Variants in IFT88 observed in about 807,000 individuals in gnomAD.
IFT88 encodes the protein intraflagellar transport protein 88 homolog.
A neutral mutation model predicts 119.5 loss-of-function variants in IFT88; 74 were observed. That is an observed-to-expected ratio of 0.62 (90% CI 0.51 to 0.75). IFT88 has a LOEUF of 0.75. Among genes scored for constraint, IFT88 ranks in the 30% least tolerant of loss-of-function variants. The probability of loss-of-function intolerance (pLI) is 0.00; values close to 1 mark genes in which losing one functional copy is unlikely to be tolerated. For synonymous variants in IFT88, 279 were observed against 316.7 expected (o/e 0.88, Z 1.26); for missense variants, 961 against 977.7 (o/e 0.98, Z 0.23).
At chr13:20,569,889 A>G (rs1025285331) in intron 1 of IFT88, among the ~76,000 whole-genome samples, 1 of 150,636 alleles carries the variant, frequency 6.6e-6, no homozygotes, top group African/African-American at 2.4e-5. Context: ...AAATAAAAAT[A>G]AAAAAATTAG....
intron 20 of IFT88, among the ~76,000 whole-genome samples, chr13:20,652,492 G>A (rs1484287339): frequency 6.6e-6 from 1 of 152,102 alleles, no homozygotes; most frequent in East Asian, 1.9e-4. Flanking sequence ...AAACTAGCCT[G>A]CCATGGCAGT....
intron 22 of IFT88, among the ~76,000 whole-genome samples, chr13:20,656,853 A>C (rs910456043): frequency 6.6e-6 from 1 of 152,178 alleles, no homozygotes; most frequent in Admixed American, 6.6e-5. Context: ...AATCTTGCTG[A>C]TACAATAGCA....
intron 23 of IFT88, among the ~76,000 whole-genome samples, chr13:20,664,969 C>T (rs558170787): frequency 2.9e-4 from 44 of 151,900 alleles, no homozygotes; most frequent in Non-Finnish European, 5.6e-4. Context: ...GTCCCAGCTA[C>T]TTGGGAGGCT....
intron 14 of IFT88, among the ~76,000 whole-genome samples, chr13:20,616,571 A>G (rs2045644516): frequency 1.3e-5 from 2 of 152,210 alleles, no homozygotes; most frequent in African/African-American, 4.8e-5. Flanking sequence ...GTTGTAGGCC[A>G]TGCCATATAG....
chr13:20,582,916 C>T, intron 2 of IFT88, 41 bp from the exon 3 acceptor site: 1 of 1,497,764 alleles, frequency 6.7e-7, no homozygotes, highest in Non-Finnish European at 9.2e-7. Flanking sequence ...TCCCCCAATT[C>T]TTACTCTGTG....
At chr13:20,602,373 T>A (rs1293976833) in intron 12 of IFT88, among the ~76,000 whole-genome samples, 4 of 151,882 alleles carry the variant, frequency 2.6e-5, no homozygotes, top group African/African-American at 7.3e-5. Flanking sequence ...CCCGGCTAAG[T>A]TTTTTATTTT....
At chr13:20,640,776 T>C (rs533758889) in intron 17 of IFT88, among the ~76,000 whole-genome samples, 6 of 152,198 alleles carry the variant, frequency 3.9e-5, no homozygotes, top group African/African-American at 1.4e-4. Context: ...ACCACACTTT[T>C]AAAATCACTG....
At chr13:20,672,188 C>T (rs1264505090) in intron 24 of IFT88, among the ~76,000 whole-genome samples, 3 of 152,104 alleles carry the variant, frequency 2.0e-5, no homozygotes, top group Non-Finnish European at 2.9e-5. Context: ...AAGGAGTCTT[C>T]GTCCCAATTG....
At chr13:20,657,704 G>GA (rs1355552068) in intron 22 of IFT88, among the ~76,000 whole-genome samples, 2 of 152,148 alleles carry the variant, frequency 1.3e-5, no homozygotes, top group Non-Finnish European at 2.9e-5. Context: ...GAGGTGGGCA[G>GA]ATCACCTGAG....
At chr13:20,586,494 TAA>T (rs1292406839) in intron 3 of IFT88, among the ~76,000 whole-genome samples, 1 of 151,912 alleles carries the variant, frequency 6.6e-6, no homozygotes, top group Non-Finnish European at 1.5e-5. Flanking sequence ...GAAGATAAAT[TAA>T]GAGTTGATTA....
At position 20,670,880 on chromosome 13, in the gene IFT88, G is replaced by A. The variant is rs538488816; in HGVS notation, c.2176-93G>A. On this transcript the variant is annotated intron_variant, in intron 23 of 25. Transcript: ENST00000351808. ...ATGATGGGTTAGTCCTAAGGGTAAT[G>A]TAGTAATGTTAATTTTAAAATCCAC... 8.2e-6 allele frequency: 8 copies of A among 972,014 alleles called. No homozygotes were observed. The African/African-American group carries it at 1.3e-4, about 16-fold the overall frequency. The allele number at this position is 972,014 out of a possible 1,614,324, so 60.2% of individuals were successfully genotyped here.
chr13:20,641,813 C>A (rs1223702630), intron 18 of IFT88: 2 of 156,162 alleles, frequency 1.3e-5, no homozygotes, highest in East Asian at 3.7e-4. Context: ...GATAATTTTT[C>A]TTACTTTTTT....
At chr13:20,676,387 C>G (rs963709557) in intron 24 of IFT88, among the ~76,000 whole-genome samples, 1 of 152,190 alleles carries the variant, frequency 6.6e-6, no homozygotes, top group African/African-American at 2.4e-5. Context: ...TAGAGAAACT[C>G]CTGATAAGGG....
chr13:20,572,198 C>T (rs1348060647), intron 1 of IFT88, among the ~76,000 whole-genome samples: 1 of 151,984 alleles, frequency 6.6e-6, no homozygotes, highest in Non-Finnish European at 1.5e-5. Context: ...ATCCATTTAC[C>T]TATCTCTCAA....
chr13:20,590,152 T>A (rs1347867535), intron 4 of IFT88, among the ~76,000 whole-genome samples: 1 of 152,198 alleles, frequency 6.6e-6, no homozygotes, highest in Non-Finnish European at 1.5e-5. Context: ...TCTCGTGTAT[T>A]CCATTCATAT....
intron 18 of IFT88, chr13:20,642,998 G>A (rs1203021772): frequency 7.1e-6 from 1 of 140,528 alleles, no homozygotes; most frequent in Non-Finnish European, 1.5e-5. Flanking sequence ...CGAAGACTTA[G>A]TAGGTACTAA....
chr13:20,686,068 T>C (rs1461697475), intron 24 of IFT88, among the ~76,000 whole-genome samples: 2 of 152,182 alleles, frequency 1.3e-5, no homozygotes, highest in Non-Finnish European at 2.9e-5. Flanking sequence ...GGAGCAGTTA[T>C]TACAGGCCCC....
At chr13:20,598,865 C>A in intron 10 of IFT88, 112 bp downstream of exon 10, 1 of 638,118 alleles carries the variant, frequency 1.6e-6, no homozygotes, top group Admixed American at 2.5e-5. Flanking sequence ...CTAAACAAAT[C>A]AGTATTTATG....
chr13:20,683,599 G>C (rs2057561045), intron 24 of IFT88, among the ~76,000 whole-genome samples: 1 of 152,158 alleles, frequency 6.6e-6, no homozygotes, highest in Non-Finnish European at 1.5e-5. Context: ...AAATTGAGTG[G>C]GTTGAATTGG....
Sources: gnomAD v4.1 joint callset for allele counts (sites outside exome capture counted in the v4.1 genomes callset) on GRCh38, gnomAD v4.1.1 for gene constraint, MANE v1.5 for transcripts, NCBI Gene and HGNC (gene_info 2026-07-23, HGNC 2026-07-21) for gene names.